Variants in KATNAL1 observed in about 807,000 individuals in gnomAD.
The protein encoded by KATNAL1 is katanin catalytic subunit A1 like 1, also known as katanin p60 ATPase-containing subunit A-like 1.
In KATNAL1, 32 loss-of-function variants were observed where a neutral mutation model predicts 55.2. The observed-to-expected ratio is 0.58, with a 90% confidence interval of 0.44 to 0.78. The LOEUF is 0.78. Among genes scored for constraint, KATNAL1 ranks in the 30% least tolerant of loss-of-function variants. The pLI, the probability that KATNAL1 is intolerant of heterozygous loss-of-function variation, is 0.00. For missense variants in KATNAL1, 466 were observed against 600.9 expected, an observed-to-expected ratio of 0.78 and a Z score of 2.35; for synonymous variants, 193 against 193.6, an observed-to-expected ratio of 1.00 and a Z score of 0.02.
intron 9 of KATNAL1, among the ~76,000 whole-genome samples, chr13:30,211,646 T>C (rs184491852): frequency 1.6e-4 from 24 of 152,332 alleles, no homozygotes; most frequent in African/African-American, 4.1e-4. Flanking sequence ...TCTCCCCCAA[T>C]TGATCTTATA....
rs1394339947 is a variant in KATNAL1, at chr13:30,270,190, G to A, written c.323+9873C>T. 9.4e-5 allele frequency among the ~76,000 whole-genome samples: 12 copies of A among 127,904 alleles called. 1 individual carries two copies. The highest frequency in any genetic ancestry group is 1.4e-4 in the Non-Finnish European group (8 of 56,184). The allele number at this position is 127,904 out of a possible 152,430, so 83.9% of individuals were successfully genotyped here. On this transcript the variant is annotated intron_variant, in intron 3 of 10. Coordinates refer to ENST00000380615, the MANE Select transcript of KATNAL1 (RefSeq NM_032116.5). ...CTCTGCCCAGCCAGCCGCCTCGTCC[G>A]GGAAGGAGGTGGGGGGTCAGCCCCC...
chr13:30,298,060 AT>A (rs1171648969), intron 1 of KATNAL1, among the ~76,000 whole-genome samples: 2 of 152,332 alleles, frequency 1.3e-5, no homozygotes, highest in South Asian at 2.1e-4. Context: ...AGACATGTAC[AT>A]TTTTTAGACG....
intron 8 of KATNAL1, among the ~76,000 whole-genome samples, chr13:30,228,628 G>C (rs1200248089): frequency 6.6e-6 from 1 of 152,180 alleles, no homozygotes; most frequent in Non-Finnish European, 1.5e-5. Context: ...TTTAGCAAAA[G>C]TTAACATGGT....
Position 30,283,737 on chromosome 13 carries a change from C to A in KATNAL1, c.41G>T (p.Arg14Ile). The change falls in exon 2 of 11, where the codon AGA (arginine) becomes ATA (isoleucine). Residue 14 changes from arginine (R) to isoleucine (I), a missense_variant. Coordinates refer to ENST00000380615, the MANE Select transcript of KATNAL1 (RefSeq NM_032116.5). Reference sequence around the variant, plus strand: ...GTAATTTCCAAGAAGGGCATATTCTCTTCCTTTCTTTGCATTATCACAAAT... The same window carrying A: ...GTAATTTCCAAGAAGGGCATATTCTATTCCTTTCTTTGCATTATCACAAAT... ...AEICDNAKKG[R>I]EYALLGNYDS... The A allele has an allele frequency of 6.2e-7, 1 of 1,613,036 alleles. No homozygotes were observed. The highest frequency in any genetic ancestry group is 1.3e-5 in the African/African-American group (1 of 75,034).
chr13:30,273,386 C>T (rs111999564), intron 3 of KATNAL1, among the ~76,000 whole-genome samples: 446 of 152,224 alleles, frequency 2.9e-3, no homozygotes, highest in African/African-American at 0.01. Context: ...CATGCCAATT[C>T]TCAATCCTTA....
intron 3 of KATNAL1, among the ~76,000 whole-genome samples, chr13:30,256,602 A>C (rs142539642): frequency 2.6e-5 from 4 of 152,240 alleles, no homozygotes; most frequent in Admixed American, 6.5e-5. Context: ...TCCGTTCCTC[A>C]TATCAGAAAA....
intron 1 of KATNAL1, among the ~76,000 whole-genome samples, chr13:30,296,927 C>T (rs1882541961): frequency 6.6e-6 from 1 of 151,964 alleles, no homozygotes; most frequent in Admixed American, 6.6e-5. Flanking sequence ...AATAGTGACG[C>T]CCACTCCCGA....
intron 3 of KATNAL1, among the ~76,000 whole-genome samples, chr13:30,268,206 T>G (rs1302134756): frequency 6.6e-6 from 1 of 152,172 alleles, no homozygotes; most frequent in Non-Finnish European, 1.5e-5. Flanking sequence ...CACAGATGTC[T>G]CAGGAGTGAC....
intron 6 of KATNAL1, among the ~76,000 whole-genome samples, chr13:30,238,436 T>C (rs751640337): frequency 9.9e-5 from 15 of 152,144 alleles, no homozygotes; most frequent in Non-Finnish European, 1.2e-4. Flanking sequence ...CCCTTACCAA[T>C]ATTCTATGCT....
intron 9 of KATNAL1, among the ~76,000 whole-genome samples, chr13:30,221,100 A>T (rs1874813072): frequency 6.6e-6 from 1 of 152,220 alleles, no homozygotes; most frequent in Non-Finnish European, 1.5e-5. Flanking sequence ...ATAATATAAG[A>T]TGGAATCTGT....
chr13:30,275,338 C>G (rs2137518654), intron 3 of KATNAL1, among the ~76,000 whole-genome samples: 1 of 152,284 alleles, frequency 6.6e-6, no homozygotes, highest in South Asian at 2.1e-4. Context: ...GTGAACTGAG[C>G]AAGAACTCAT....
chr13:30,302,549 T>A lies in KATNAL1; in HGVS notation c.-15+4782A>T, dbSNP rs997668489. 1.5e-4 allele frequency among the ~76,000 whole-genome samples: 23 copies of A among 151,872 alleles called. No homozygotes were observed. In the East Asian group the frequency reaches 3.7e-3, roughly 24 times the overall value. On this transcript the variant is annotated intron_variant, in intron 1 of 10. Coordinates refer to ENST00000380615, the MANE Select transcript of KATNAL1 (RefSeq NM_032116.5). ...CATCAGAAAGAAAAGAATACTGACA[T>A]ATAAAGACACTCACAGAGACAGGAA...
At chr13:30,253,185 A>G (rs1021841862) in intron 4 of KATNAL1, among the ~76,000 whole-genome samples, 1 of 152,220 alleles carries the variant, frequency 6.6e-6, no homozygotes, top group African/African-American at 2.4e-5. Context: ...GGTTACAAAA[A>G]TTGTAACTGA....
chr13:30,290,679 T>C (rs1159157118), intron 1 of KATNAL1, among the ~76,000 whole-genome samples: 1 of 152,076 alleles, frequency 6.6e-6, no homozygotes. Context: ...AAAACATAGA[T>C]ACAAAAAATC....
chr13:30,212,391 G>A (rs576448221), intron 9 of KATNAL1, among the ~76,000 whole-genome samples: 60 of 152,360 alleles, frequency 3.9e-4, no homozygotes, highest in Middle Eastern at 3.4e-3. Context: ...GCCTGGCAAT[G>A]CACAGTGGCC....
At chr13:30,282,778 C>T (rs1393054219) in intron 2 of KATNAL1, among the ~76,000 whole-genome samples, 2 of 150,342 alleles carry the variant, frequency 1.3e-5, no homozygotes, top group African/African-American at 2.4e-5. Context: ...CACGGTGAAA[C>T]CCCATCTCTA....
intron 1 of KATNAL1, among the ~76,000 whole-genome samples, chr13:30,304,750 C>A (rs567729305): frequency 3.9e-5 from 6 of 152,304 alleles, no homozygotes; most frequent in African/African-American, 1.4e-4. Flanking sequence ...ACCTGAATAT[C>A]CCATAGGAAC....
chr13:30,307,060 C>A (rs1055534855), intron 1 of KATNAL1: 1 of 152,164 alleles, frequency 6.6e-6, no homozygotes, highest in African/African-American at 2.4e-5. Context: ...TCTTTCCCGG[C>A]GGTCGGGGCC....
intron 9 of KATNAL1, 88 bp from the exon 10 acceptor site, chr13:30,210,530 A>T: frequency 8.5e-7 from 1 of 1,174,970 alleles, no homozygotes; most frequent in Non-Finnish European, 1.2e-6. Flanking sequence ...TGGGGGAAAA[A>T]TGAGGCCAAT....
Sources: gnomAD v4.1 joint callset for allele counts (sites outside exome capture counted in the v4.1 genomes callset) on GRCh38, gnomAD v4.1.1 for gene constraint, MANE v1.5 for transcripts, NCBI Gene and HGNC (gene_info 2026-07-23, HGNC 2026-07-21) for gene names.